The following ENKUR variants were observed in gnomAD, a reference collection of about 807,000 sequenced individuals.
The protein encoded by ENKUR is enkurin.
In ENKUR, 19 loss-of-function variants were observed where a neutral mutation model predicts 27.6. The ratio of observed to expected loss-of-function variants is 0.69; its 90% CI spans 0.48 to 1.01. The LOEUF is 1.01. Ranked by LOEUF, ENKUR falls within the 50% of genes least tolerant of loss-of-function variation. ENKUR has a pLI of 0.00. For synonymous variants in ENKUR, 117 were observed against 96.9 expected, an observed-to-expected ratio of 1.21 and a Z score of -1.22; for missense variants, 312 against 310.5, an observed-to-expected ratio of 1.00 and a Z score of -0.04.
chr10:24,989,888 C>T (rs1169921445), intron 4 of ENKUR, among the ~76,000 whole-genome samples: 1 of 152,030 alleles, frequency 6.6e-6, no homozygotes, highest in Admixed American at 6.5e-5. Flanking sequence ...CTCTTACACC[C>T]CCTAATATTT....
intron 3 of ENKUR, among the ~76,000 whole-genome samples, chr10:24,992,793 T>C (rs1156805047): frequency 6.6e-6 from 1 of 152,150 alleles, no homozygotes; most frequent in Non-Finnish European, 1.5e-5. Flanking sequence ...TAGATATAAA[T>C]GTGTTCTGGA....
intron 2 of ENKUR, among the ~76,000 whole-genome samples, chr10:25,050,662 A>G (rs1221875324): frequency 6.6e-6 from 1 of 152,100 alleles, no homozygotes; most frequent in Non-Finnish European, 1.5e-5. Flanking sequence ...ATCCTGAGAA[A>G]CATGTTATTG....
chr10:25,054,527 T>C (rs868403698), intron 2 of ENKUR, among the ~76,000 whole-genome samples: 3 of 126,266 alleles, frequency 2.4e-5, no homozygotes, highest in African/African-American at 5.8e-5. Flanking sequence ...TCTTTCTTTC[T>C]TTCCTTTCTT....
chr10:24,986,148 T>G (rs1455069557), intron 4 of ENKUR, among the ~76,000 whole-genome samples: 1 of 152,234 alleles, frequency 6.6e-6, no homozygotes, highest in Non-Finnish European at 1.5e-5. Flanking sequence ...TGGCCATACA[T>G]TTAGGTGTAA....
chr10:25,028,961 C>T (rs986836311), intron 2 of ENKUR, among the ~76,000 whole-genome samples: 6 of 152,112 alleles, frequency 3.9e-5, no homozygotes, highest in African/African-American at 1.4e-4. Flanking sequence ...TGACCTATTT[C>T]TTTTGCTCAG....
In ENKUR at chr10:25,034,460, C is replaced by T. The variant is rs188753192; in HGVS notation, c.37+26652G>A. On this transcript the variant is annotated intron_variant, in intron 2 of 5. Coordinates refer to the ENKUR transcript ENST00000615958. ...TTGAGTGGCCTAATCTGAATGATTC[C>T]GTTTCCCAATTTGACAAAATTTAAG... Among the ~76,000 whole-genome samples, 13 of 152,204 alleles carry T rather than the reference C, an allele frequency of 8.5e-5. No homozygotes were observed. In the East Asian group the frequency reaches 1.3e-3, roughly 16 times the overall value.
At chr10:25,027,357 C>CA (rs71399946) in intron 2 of ENKUR, among the ~76,000 whole-genome samples, 775 of 48,384 alleles carry the variant, frequency 0.016, 113 homozygotes, top group East Asian at 0.054. Context: ...ACTCCCGTCT[C>CA]AAAAAAAAAA....
chr10:25,033,303 C>G (rs960444702), intron 2 of ENKUR, among the ~76,000 whole-genome samples: 4 of 146,334 alleles, frequency 2.7e-5, no homozygotes, highest in African/African-American at 7.6e-5. Context: ...ATTTGTGAGG[C>G]TGAGGCAGGA....
At chr10:25,053,332 A>C (rs1044980515) in intron 2 of ENKUR, among the ~76,000 whole-genome samples, 2 of 152,210 alleles carry the variant, frequency 1.3e-5, no homozygotes, top group African/African-American at 4.8e-5. Context: ...TAGCAAATGA[A>C]GTATATAATA....
At chr10:25,000,599 ATCTAC>A (rs1007568380) in intron 1 of ENKUR, among the ~76,000 whole-genome samples, 4 of 152,106 alleles carry the variant, frequency 2.6e-5, no homozygotes, top group African/African-American at 9.7e-5. Flanking sequence ...GTGCTCTAGA[ATCTAC>A]TCTGTCTGAC....
chr10:25,039,151 C>T (rs1191920422), intron 2 of ENKUR, among the ~76,000 whole-genome samples: 3 of 152,158 alleles, frequency 2.0e-5, no homozygotes, highest in African/African-American at 4.8e-5. Context: ...AATGACAAAG[C>T]TTTAAACATT....
intron 2 of ENKUR, chr10:25,024,832 A>G (rs1323688789): frequency 1.2e-6 from 2 of 1,614,072 alleles, no homozygotes; most frequent in Admixed American, 3.3e-5. Context: ...CTCTAATCAG[A>G]ACCATGTTTT....
intron 2 of ENKUR, chr10:25,025,417 A>G (rs1205704927): frequency 6.2e-7 from 1 of 1,611,180 alleles, no homozygotes; most frequent in Non-Finnish European, 8.5e-7. Context: ...TGTCTTGAAG[A>G]GTCATGTGGA....
chr10:25,015,045 G>A (rs923457100), intron 1 of ENKUR, among the ~76,000 whole-genome samples: 2 of 152,240 alleles, frequency 1.3e-5, no homozygotes, highest in South Asian at 2.1e-4. Context: ...ACTTGCATAC[G>A]GACAAGGATG....
intron 5 of ENKUR, 42 bp from the exon 6 acceptor site, chr10:24,984,418 C>T: frequency 6.4e-7 from 1 of 1,561,028 alleles, no homozygotes; most frequent in Non-Finnish European, 8.6e-7. Context: ...TGAGTGCTGA[C>T]TTTATTTTTC....
chr10:24,984,657 A>G (rs1849741113), intron 5 of ENKUR, 79 bp downstream of exon 5: 1 of 1,366,734 alleles, frequency 7.3e-7, no homozygotes, highest in Admixed American at 2.7e-5. Flanking sequence ...TTCCTTTTTG[A>G]AAAACTTGGA....
intron 3 of ENKUR, among the ~76,000 whole-genome samples, chr10:24,992,450 A>ATGT (rs1227615647): frequency 6.6e-6 from 1 of 152,194 alleles, no homozygotes; most frequent in Non-Finnish European, 1.5e-5. Context: ...GTAGGACAAC[A>ATGT]CTTTCCTGTG....
intron 2 of ENKUR, chr10:25,024,193 T>C: frequency 6.2e-7 from 1 of 1,614,224 alleles, no homozygotes; most frequent in East Asian, 2.2e-5. Flanking sequence ...AAACTTTGCC[T>C]GCTCAAAAAT....
intron 2 of ENKUR, among the ~76,000 whole-genome samples, chr10:24,997,807 TTATATA>T (rs58973955): frequency 6.9e-6 from 1 of 144,890 alleles, no homozygotes; most frequent in African/African-American, 2.6e-5. Context: ...CACAAAGGAT[TTATATA>T]TATATATATA....
Sources: allele counts gnomAD v4.1 joint callset (sites outside exome capture counted in the v4.1 genomes callset), GRCh38; gene constraint gnomAD v4.1.1; transcripts MANE v1.5; gene names NCBI Gene and HGNC (gene_info 2026-07-23, HGNC 2026-07-21).